Variants in TJP1 observed in about 807,000 individuals in gnomAD.
The protein encoded by TJP1 is tight junction protein ZO-1.
A neutral mutation model predicts 194.2 loss-of-function variants in TJP1; 43 were observed. The ratio of observed to expected loss-of-function variants is 0.22; its 90% CI spans 0.17 to 0.29. The LOEUF (loss-of-function observed/expected upper bound fraction) is 0.29, where lower values mean the gene tolerates loss of function less well. Among genes scored for constraint, TJP1 ranks in the 10% least tolerant of loss-of-function variants. The pLI is 1.00. For synonymous variants in TJP1, 801 were observed against 779.0 expected, an observed-to-expected ratio of 1.03 and a Z score of -0.47; for missense variants, 1,971 against 2,185.7, an observed-to-expected ratio of 0.90 and a Z score of 1.96.
At chr15:29,958,725 C>T (rs1375595430) in intron 1 of TJP1, among the ~76,000 whole-genome samples, 2 of 152,040 alleles carry the variant, frequency 1.3e-5, no homozygotes, top group Admixed American at 6.6e-5. Flanking sequence ...AGTATGCTCA[C>T]CTCCTCCTAA....
intron 2 of TJP1, among the ~76,000 whole-genome samples, chr15:29,781,178 G>T (rs2047348439): frequency 6.6e-6 from 1 of 152,134 alleles, no homozygotes; most frequent in African/African-American, 2.4e-5. Flanking sequence ...GTAACCATCA[G>T]AGAATACTAT....
intron 8 of TJP1, among the ~76,000 whole-genome samples, chr15:29,756,137 CTT>C (rs1182852449): frequency 1.3e-5 from 2 of 152,048 alleles, no homozygotes; most frequent in African/African-American, 4.8e-5. Context: ...AGTGAAATCT[CTT>C]TTCAATGATA....
intron 4 of TJP1, among the ~76,000 whole-genome samples, chr15:29,767,666 G>A (rs116242636): frequency 5.1e-4 from 78 of 151,974 alleles, no homozygotes; most frequent in African/African-American, 1.8e-3. Context: ...TGTGGAATTC[G>A]CTAATGTAGG....
Position 29,800,640 on chromosome 15 carries a change from A to G in TJP1, c.84+6T>C. 6.2e-7 allele frequency: 1 copy of G among 1,613,792 alleles called. No individual in the cohort carries two copies. ...ACACAGATTACTTACTGCAACACAAACTTACCCTGTGAAGCGTCACTGTAT... is the reference window on the plus strand; with the variant it reads ...ACACAGATTACTTACTGCAACACAAGCTTACCCTGTGAAGCGTCACTGTAT... On this transcript the variant is annotated splice_donor_region_variant and intron_variant, in intron 2 of 27. Coordinates refer to ENST00000614355, the MANE Select transcript of TJP1 (RefSeq NM_001330239.4).
At chr15:29,727,077 G>A (rs375311329) in intron 16 of TJP1, 86 bp from the exon 17 acceptor site, 24 of 1,200,182 alleles carry the variant, frequency 2.0e-5, no homozygotes, top group Admixed American at 5.6e-5. Flanking sequence ...AGTGGCTCAC[G>A]CTACGCCTAT....
intron 2 of TJP1, among the ~76,000 whole-genome samples, chr15:29,786,181 C>G (rs1402723985): frequency 1.3e-5 from 2 of 152,150 alleles, no homozygotes; most frequent in Non-Finnish European, 2.9e-5. Flanking sequence ...TGTCCCTTGG[C>G]TAGTCAAATT....
chr15:29,774,314 G>GA (rs201128305), intron 2 of TJP1, among the ~76,000 whole-genome samples: 98 of 141,030 alleles, frequency 6.9e-4, no homozygotes, highest in East Asian at 2.0e-3. Context: ...AGTAGCAAAA[G>GA]AAAAAAAAAA....
At chr15:29,918,279 C>T (rs1433025086) in intron 2 of TJP1, among the ~76,000 whole-genome samples, 3 of 152,238 alleles carry the variant, frequency 2.0e-5, no homozygotes, top group East Asian at 3.9e-4. Context: ...CGAATATCGC[C>T]GCTATGAAAT....
chr15:29,833,871 A>T (rs1282480209), intron 2 of TJP1, among the ~76,000 whole-genome samples: 8 of 18,362 alleles, frequency 4.4e-4, no homozygotes, highest in Non-Finnish European at 6.4e-4. Flanking sequence ...ATATATATAT[A>T]TATATATATA....
intron 4 of TJP1, among the ~76,000 whole-genome samples, chr15:29,771,279 C>T (rs1283970878): frequency 6.6e-6 from 1 of 151,770 alleles, no homozygotes; most frequent in Non-Finnish European, 1.5e-5. Context: ...GGCTACTTGG[C>T]ATAGCCTATT....
rs757613483 is a variant in TJP1, at chr15:29,726,829, A to T, written c.2263T>A (p.Tyr755Asn). 8.7e-6 allele frequency: 14 copies of T among 1,614,046 alleles called. No homozygotes were observed. Among genetic ancestry groups the T allele is most frequent in the African/African-American group, 1.3e-5 (1 of 74,938 alleles). The change falls in exon 17 of 28, where the codon TAC (tyrosine) becomes AAC (asparagine). Residue 755 changes from tyrosine to asparagine, a missense_variant. Physicochemically the swap from Tyr to Asn is moderately radical, Grantham distance 143. This residue lies in a region of TJP1 where 402 missense variants were observed against 484.2 expected (regional missense o/e 0.83). Coordinates refer to ENST00000614355, the MANE Select transcript of TJP1 (RefSeq NM_001330239.4). Reference sequence around the variant, plus strand: ...TTACGAAGTTTATGAGATCGCTCGTATAACTTCCTGGCACTTTTCCGAGAT... The same window carrying T: ...TTACGAAGTTTATGAGATCGCTCGTTTAACTTCCTGGCACTTTTCCGAGAT... Reference protein sequence around the residue: ...PESRKSARKLYERSHKLRKNN... With the variant: ...PESRKSARKLNERSHKLRKNN...
At chr15:29,859,247 C>T (rs2051979837) in intron 2 of TJP1, among the ~76,000 whole-genome samples, 1 of 152,086 alleles carries the variant, frequency 6.6e-6, no homozygotes. Flanking sequence ...AAAGTGTTCG[C>T]ATCTATTATC....
chr15:29,893,063 G>C (rs370864660), intron 2 of TJP1, among the ~76,000 whole-genome samples: 3 of 152,166 alleles, frequency 2.0e-5, no homozygotes, highest in Admixed American at 6.5e-5. Flanking sequence ...TGATTCATGG[G>C]AGGGGTTCAA....
intron 1 of TJP1, among the ~76,000 whole-genome samples, chr15:29,804,806 G>GA (rs2049014026): frequency 1.3e-5 from 2 of 152,106 alleles, no homozygotes; most frequent in Non-Finnish European, 2.9e-5. Flanking sequence ...AGACCAAGGG[G>GA]AAAATGTATT....
intron 2 of TJP1, among the ~76,000 whole-genome samples, chr15:29,930,952 G>A (rs2054688814): frequency 6.6e-6 from 1 of 152,160 alleles, no homozygotes. Context: ...CTTGAACAAT[G>A]TGAGCGTTAG....
chr15:29,909,198 C>T (rs1267190827), intron 2 of TJP1, among the ~76,000 whole-genome samples: 4 of 149,538 alleles, frequency 2.7e-5, no homozygotes, highest in African/African-American at 7.4e-5. Flanking sequence ...ATTAGCTGGG[C>T]GTGGTGGTGC....
At position 29,704,271 on chromosome 15, in the gene TJP1, A is replaced by C. The variant is rs775995856; in HGVS notation, c.5103T>G (p.Gly1701=). The C allele has an allele frequency of 5.6e-6, 9 of 1,598,502 alleles. No individual in the cohort carries two copies. The change falls in exon 27 of 28, where the codon GGT becomes GGG. Residue 1701 remains glycine (G), a synonymous_variant. Coordinates refer to ENST00000614355, the MANE Select transcript of TJP1 (RefSeq NM_001330239.4). ...GCTTCAGGAACTTGAGGCCATGGGG[A>C]CCACACATCACCAAAGGACTCAGCA... is the stretch of plus-strand genomic sequence containing the variant. ...ETLLSPLVMC[G]PHGLKFLKPV... is the part of the protein sequence containing the mutation.
At chr15:29,830,264 A>C (rs1482207036) in intron 2 of TJP1, among the ~76,000 whole-genome samples, 1 of 151,536 alleles carries the variant, frequency 6.6e-6, no homozygotes, top group Non-Finnish European at 1.5e-5. Context: ...TAAAACTGTT[A>C]CATATTCATT....
At chr15:29,756,308 G>C (rs1873646636) in intron 8 of TJP1, among the ~76,000 whole-genome samples, 1 of 152,134 alleles carries the variant, frequency 6.6e-6, no homozygotes, top group Admixed American at 6.5e-5. Flanking sequence ...CAAGCATCAA[G>C]TTATAAGAAA....
Sources: gnomAD v4.1 joint callset for allele counts (sites outside exome capture counted in the v4.1 genomes callset) on GRCh38, gnomAD v4.1.1 for gene constraint, gnomAD v4.1.1 regional missense constraint, MANE v1.5 for transcripts, NCBI Gene and HGNC (gene_info 2026-07-23, HGNC 2026-07-21) for gene names.